ABCG5: variants seen among roughly 807,000 people sequenced by gnomAD.
The protein encoded by ABCG5 is ATP-binding cassette sub-family G member 5.
A neutral mutation model predicts 64.5 loss-of-function variants in ABCG5; 64 were observed. The observed-to-expected ratio is 0.99, with a 90% CI of 0.81 to 1.22. The LOEUF (loss-of-function observed/expected upper bound fraction) is 1.22. Ranked by LOEUF, ABCG5 falls within the 50% of genes most tolerant of loss-of-function variation. The pLI is 0.00. For synonymous variants in ABCG5, 385 were observed against 326.3 expected (o/e 1.18, Z -1.94); for missense variants, 908 against 829.5 (o/e 1.09, Z -1.16).
intron 11 of ABCG5, among the ~76,000 whole-genome samples, chr2:43,816,703 C>G (rs1164490981): frequency 6.6e-6 from 1 of 152,062 alleles, no homozygotes; most frequent in East Asian, 1.9e-4. Context: ...GACACCACAC[C>G]CACCTAATTC....
intron 6 of ABCG5, among the ~76,000 whole-genome samples, chr2:43,826,086 T>C (rs1667580661): frequency 6.6e-6 from 1 of 151,970 alleles, no homozygotes; most frequent in Admixed American, 6.5e-5. Context: ...AGCGATCCTC[T>C]CACCTCAGCC....
At chr2:43,817,667 T>C (rs1037471050) in intron 11 of ABCG5, among the ~76,000 whole-genome samples, 3 of 152,052 alleles carry the variant, frequency 2.0e-5, no homozygotes, top group Admixed American at 2.0e-4. Flanking sequence ...CCCAGCACTT[T>C]GGGAGGCCAA....
Position 43,838,085 on chromosome 2 carries a change from T to A in ABCG5, c.144-130A>T. 1 of 1,266,550 alleles carries A rather than the reference T, an allele frequency of 7.9e-7. No homozygotes were observed. The highest frequency in any genetic ancestry group is 1.1e-6 in the Non-Finnish European group (1 of 892,634). The allele number at this position is 1,266,550 out of a possible 1,614,324, so 78.5% of individuals were successfully genotyped here. Reference sequence around the variant, plus strand: ...CGGACAGGCTCCTAACGTGTTTCAGTCTCTGCGCCCTCCTCTGTAGAACCT... The same window carrying A: ...CGGACAGGCTCCTAACGTGTTTCAGACTCTGCGCCCTCCTCTGTAGAACCT... On this transcript the variant is annotated intron_variant, in intron 1 of 12. Coordinates refer to ENST00000405322, the MANE Select transcript of ABCG5 (RefSeq NM_022436.3). This position sits in a 1 kb window ranked among gnomAD's most constrained non-coding sequence, Gnocchi z 4.2.
chr2:43,817,403 T>G (rs1264985956), intron 11 of ABCG5, among the ~76,000 whole-genome samples: 1 of 152,068 alleles, frequency 6.6e-6, no homozygotes. Context: ...GAGAATTGCT[T>G]GAACCTGAGA....
chr2:43,824,824 G>A, intron 7 of ABCG5, 65 bp downstream of exon 7: 1 of 1,598,072 alleles, frequency 6.3e-7, no homozygotes, highest in Non-Finnish European at 8.6e-7. Flanking sequence ...TGTCATCCAG[G>A]CAGAAGTCTG....
chr2:43,831,900 GC>G (rs1181121864), intron 3 of ABCG5, 33 bp from the exon 4 acceptor site: 1 of 1,213,380 alleles, frequency 8.2e-7, no homozygotes, highest in Admixed American at 2.1e-5. Flanking sequence ...TGTAGCCTAA[GC>G]CCCCGGGGCG....
At chr2:43,820,512 C>G (rs11686966) in intron 10 of ABCG5, among the ~76,000 whole-genome samples, 2,335 of 152,328 alleles carry the variant, frequency 0.015, 32 homozygotes, top group Non-Finnish European at 0.026. Flanking sequence ...GCACCCCCTT[C>G]CCTGAACCTC....
At chr2:43,806,304 C>G in the ABCG5 span, among the ~76,000 whole-genome samples, 1 of 152,128 alleles carries the variant, frequency 6.6e-6, no homozygotes, top group Non-Finnish European at 1.5e-5. Flanking sequence ...GATCGAAAGC[C>G]CCAGCAACTT....
chr2:43,812,281 T>C (rs1488037875), downstream of ABCG5, among the ~76,000 whole-genome samples: 2 of 152,028 alleles, frequency 1.3e-5, no homozygotes, highest in African/African-American at 4.8e-5. Context: ...TGGGGTTATT[T>C]CTCAGTGCAT....
chr2:43,831,737 T>G, intron 4 of ABCG5, 32 bp downstream of exon 4: 1 of 1,549,064 alleles, frequency 6.5e-7, no homozygotes, highest in Non-Finnish European at 8.7e-7. Flanking sequence ...AGGTACTCAG[T>G]TTGCCCTCTG....
intron 4 of ABCG5, 70 bp downstream of exon 4, chr2:43,831,699 G>C (rs1667953608): frequency 6.3e-6 from 9 of 1,429,580 alleles, no homozygotes; most frequent in Non-Finnish European, 8.6e-6. Context: ...AAGCGTAGGC[G>C]AAGAGAGGAG....
the ABCG5 span, among the ~76,000 whole-genome samples, chr2:43,806,695 A>G: frequency 6.6e-6 from 1 of 152,220 alleles, no homozygotes; most frequent in Non-Finnish European, 1.5e-5. Context: ...AAGTTCATAT[A>G]CATCAGTATT....
chr2:43,828,196 G>A, intron 4 of ABCG5, 81 bp from the exon 5 acceptor site: 1 of 1,599,420 alleles, frequency 6.3e-7, no homozygotes, highest in Non-Finnish European at 8.5e-7. Flanking sequence ...GGACATGAAA[G>A]AGGCAGCACA....
At chr2:43,837,809 T>C (rs764035713) in intron 2 of ABCG5, 25 bp downstream of exon 2, 4 of 1,613,392 alleles carry the variant, frequency 2.5e-6, no homozygotes, top group Admixed American at 1.7e-5. Context: ...CAAATCCTTT[T>C]TAGAATCCTC....
chr2:43,835,119 G>A (rs1157410070), intron 2 of ABCG5, among the ~76,000 whole-genome samples: 2 of 152,136 alleles, frequency 1.3e-5, no homozygotes, highest in East Asian at 3.9e-4. Context: ...ATTCATTTCA[G>A]TATAAAGTGT....
intron 6 of ABCG5, among the ~76,000 whole-genome samples, chr2:43,826,064 C>T (rs1217247330): frequency 1.3e-5 from 2 of 152,300 alleles, no homozygotes; most frequent in East Asian, 3.9e-4. Flanking sequence ...CAGCCTTGAC[C>T]TACTGGGCTC....
Position 43,813,062 on chromosome 2 carries a change from A to G in ABCG5, c.*54T>C. On this transcript the variant is annotated 3_prime_UTR_variant, in exon 13 of 13. Coordinates refer to ENST00000405322, the MANE Select transcript of ABCG5 (RefSeq NM_022436.3). Reference sequence around the variant, plus strand: ...TGGCACTCTCATTTCAGACGTTCAGAGCAGTCATGCACAGTCGGCAGCTTC... The same window carrying G: ...TGGCACTCTCATTTCAGACGTTCAGGGCAGTCATGCACAGTCGGCAGCTTC... 1.3e-6 allele frequency: 1 copy of G among 790,968 alleles called. No individual in the cohort carries two copies. Among genetic ancestry groups the G allele is most frequent in the Non-Finnish European group, 2.3e-6 (1 of 431,888 alleles). 49.0% of individuals were successfully genotyped at this position (790,968 alleles called of 1,614,324 possible). A position where few individuals can be genotyped will look rare whatever the true frequency, so the allele number is the denominator to read the frequency against.
At position 43,838,793 on chromosome 2, in the gene ABCG5, TC is replaced by T; in HGVS notation, c.-115del. On this transcript the variant is annotated 5_prime_UTR_variant, in exon 1 of 13. Coordinates refer to ENST00000405322, the MANE Select transcript of ABCG5 (RefSeq NM_022436.3). The surrounding 1 kb of genome is among the most constrained non-coding windows in gnomAD (Gnocchi z 4.2). Reference sequence around the variant, plus strand: ...CTGCCTGCTCCACCTGACCCCGGAGTCCCTTGGGACAGCAGGACTGGGACTT... The same window carrying T: ...CTGCCTGCTCCACCTGACCCCGGAGTCCTTGGGACAGCAGGACTGGGACTT... 1 of 1,547,784 alleles carries T rather than the reference TC, an allele frequency of 6.5e-7. No individual in the cohort carries two copies. Among genetic ancestry groups the T allele is most frequent in the Non-Finnish European group, 8.7e-7 (1 of 1,144,754 alleles).
downstream of ABCG5, among the ~76,000 whole-genome samples, chr2:43,808,264 G>GAA (rs55874533): frequency 5.1e-4 from 75 of 146,104 alleles, no homozygotes; most frequent in East Asian, 6.8e-3. Context: ...GAAGTTAAAG[G>GAA]AAAAAAAAAA....
Sources: gnomAD v4.1 joint callset for allele counts (sites outside exome capture counted in the v4.1 genomes callset) on GRCh38, gnomAD v4.1.1 for gene constraint, Gnocchi (gnomAD v3.1) non-coding constraint, MANE v1.5 for transcripts, NCBI Gene and HGNC (gene_info 2026-07-23, HGNC 2026-07-21) for gene names.